Variants in IPO9 observed in about 807,000 individuals in gnomAD.
IPO9 encodes importin 9, also known as importin-9.
IPO9 carries 28 observed loss-of-function variants against 128.6 expected under a neutral mutation model. That is an observed-to-expected ratio of 0.22 (90% CI 0.16 to 0.30). IPO9 has a LOEUF of 0.30. IPO9 is among the 10% of genes least tolerant of loss of function. The pLI is 1.00. For synonymous variants in IPO9, 455 were observed against 475.8 expected (o/e 0.96, Z 0.57); for missense variants, 935 against 1,293.9 (o/e 0.72, Z 4.26).
chr1:201,853,152 C>T, intron 6 of IPO9, 55 bp downstream of exon 6: 2 of 1,378,160 alleles, frequency 1.5e-6, no homozygotes. Flanking sequence ...TTTATTCATG[C>T]AGAGCAGTGA....
chr1:201,863,773 T>C (rs1455814318), intron 14 of IPO9, among the ~76,000 whole-genome samples, 166 bp downstream of exon 14: 1 of 152,206 alleles, frequency 6.6e-6, no homozygotes. Flanking sequence ...AGACATGGCT[T>C]TTGTGAGTCC....
intron 4 of IPO9, among the ~76,000 whole-genome samples, chr1:201,849,290 A>G (rs552956126): frequency 3.3e-5 from 5 of 152,282 alleles, no homozygotes; most frequent in South Asian, 2.1e-4. Flanking sequence ...TAAGCTATCA[A>G]TCCCTCCCAG....
Position 201,859,061 on chromosome 1 carries a change from C to A in IPO9, c.1468+67C>A, listed in dbSNP as rs1386270605. 29 of 1,523,970 alleles carry A rather than the reference C, an allele frequency of 1.9e-5. No individual in the cohort carries two copies. In the South Asian group the frequency reaches 3.5e-4, roughly 19 times the overall value. The allele number at this position is 1,523,970 out of a possible 1,614,324, so 94.4% of individuals were successfully genotyped here. On this transcript the variant is annotated intron_variant, in intron 13 of 23. Transcript: ENST00000361565. Reference sequence around the variant, plus strand: ...CCTGTTGTGGGGTTGGGGGAGGGATCAGCATTAGGAGATATACCTGATGTA... The same window carrying A: ...CCTGTTGTGGGGTTGGGGGAGGGATAAGCATTAGGAGATATACCTGATGTA...
intron 11 of IPO9, among the ~76,000 whole-genome samples, 162 bp downstream of exon 11, chr1:201,857,356 CAG>C (rs1476217610): frequency 2.0e-5 from 3 of 152,084 alleles, no homozygotes; most frequent in Non-Finnish European, 4.4e-5. Flanking sequence ...ATTCGAGACT[CAG>C]AAATTCTAAA....
chr1:201,844,623 G>A (rs1443079158), intron 1 of IPO9, among the ~76,000 whole-genome samples: 1 of 152,234 alleles, frequency 6.6e-6, no homozygotes, highest in Non-Finnish European at 1.5e-5. Context: ...ATGGATGAAT[G>A]ATATCCATGA....
chr1:201,836,077 A>C (rs369670348), intron 1 of IPO9, among the ~76,000 whole-genome samples: 49 of 125,818 alleles, frequency 3.9e-4, no homozygotes, highest in African/African-American at 1.4e-3. Context: ...ACACCACTGC[A>C]CTCCAGCCCT....
intron 14 of IPO9, among the ~76,000 whole-genome samples, chr1:201,865,199 C>CTTTTTTTTTTTTTTTTTT: frequency 7.5e-6 from 1 of 132,852 alleles, no homozygotes; most frequent in Non-Finnish European, 1.6e-5. Context: ...AACTATTTTT[C>CTTTTTTTTTTTTTTTTTT]TTTTTTTTTT....
intron 1 of IPO9, among the ~76,000 whole-genome samples, chr1:201,840,446 C>T (rs2102870510): frequency 6.6e-6 from 1 of 152,288 alleles, no homozygotes; most frequent in South Asian, 2.1e-4. Context: ...GGTAGGAGTA[C>T]AAATTGGTGC....
intron 1 of IPO9, among the ~76,000 whole-genome samples, chr1:201,837,368 G>A (rs911048054): frequency 6.6e-6 from 1 of 152,192 alleles, no homozygotes; most frequent in Non-Finnish European, 1.5e-5. Flanking sequence ...TGGTTGATGA[G>A]AAAGGACCCT....
At chr1:201,858,678 C>A (rs1680379074) in intron 12 of IPO9, 125 bp downstream of exon 12, 2 of 791,022 alleles carry the variant, frequency 2.5e-6, no homozygotes, top group South Asian at 2.5e-5. Context: ...AGATTTTAAT[C>A]TCTTATTATT....
chr1:201,859,180 A>AATAAATAT (rs371428335), intron 13 of IPO9, among the ~76,000 whole-genome samples, 186 bp downstream of exon 13: 4,166 of 83,356 alleles, frequency 0.05, 420 homozygotes, highest in South Asian at 0.061. Flanking sequence ...CTCAAAGTAT[A>AATAAATAT]ATATATATAT....
chr1:201,875,923 C>T (rs746093189), intron 23 of IPO9, 21 bp from the exon 24 acceptor site: 2 of 1,461,562 alleles, frequency 1.4e-6, no homozygotes, highest in South Asian at 1.1e-5. Flanking sequence ...TCACTAATGC[C>T]ACTCTTGCTC....
intron 19 of IPO9, 119 bp from the exon 20 acceptor site, chr1:201,872,709 T>C: frequency 8.7e-7 from 1 of 1,144,650 alleles, no homozygotes; most frequent in East Asian, 2.5e-5. Flanking sequence ...GCTCTCCTAA[T>C]TAGTTGTTAA....
intron 7 of IPO9, 45 bp downstream of exon 7, chr1:201,854,759 G>C: frequency 1.2e-6 from 2 of 1,608,928 alleles, no homozygotes; most frequent in Non-Finnish European, 1.7e-6. Flanking sequence ...TGAGGGGCTG[G>C]TCTGAAATCA....
chr1:201,863,451 C>T lies in IPO9; in HGVS notation c.1472C>T (p.Ser491Phe), dbSNP rs944691798. The change falls in exon 14 of 24, where the codon TCT becomes TTT. Residue 491 changes from serine to phenylalanine, a missense_variant. By Grantham distance (155) the Ser-to-Phe change is radical. Transcript: ENST00000361565. ...AATTGTTCTGTCTTTCTCCCAGTGTCTCCTTTCCTCTTGGGCCGGGCACTT... is the reference window on the plus strand; with the variant it reads ...AATTGTTCTGTCTTTCTCCCAGTGTTTCCTTTCCTCTTGGGCCGGGCACTT... ...VILADLNLSV[S>F]PFLLGRALWA... The T allele has an allele frequency of 4.5e-6, 7 of 1,569,778 alleles. No individual in the cohort carries two copies. Among genetic ancestry groups the T allele is most frequent in the Non-Finnish European group, 5.2e-6 (6 of 1,145,708 alleles).
chr1:201,859,970 AAGGT>A (rs1204399966), intron 13 of IPO9, among the ~76,000 whole-genome samples: 1 of 152,008 alleles, frequency 6.6e-6, no homozygotes, highest in Admixed American at 6.6e-5. Flanking sequence ...AAAAAAAAAA[AAGGT>A]AGCCCTTTAC....
intron 1 of IPO9, among the ~76,000 whole-genome samples, chr1:201,845,683 T>C (rs1680113754): frequency 6.6e-6 from 1 of 152,218 alleles, no homozygotes. Flanking sequence ...TATTGCAACA[T>C]TTGATCAATA....
chr1:201,847,663 A>G (rs1042919511), intron 3 of IPO9, 25 bp downstream of exon 3: 6 of 1,506,194 alleles, frequency 4.0e-6, no homozygotes, highest in Non-Finnish European at 5.5e-6. Context: ...TGATTAGTCT[A>G]CCTGAGGAGA....
chr1:201,859,241 T>C (rs185516197), intron 13 of IPO9, among the ~76,000 whole-genome samples: 1 of 144,188 alleles, frequency 6.9e-6, no homozygotes. Context: ...TTAACTTGGT[T>C]ATATTGTTCA....
Sources: gnomAD v4.1 joint callset for allele counts (sites outside exome capture counted in the v4.1 genomes callset) on GRCh38, gnomAD v4.1.1 for gene constraint, MANE v1.5 for transcripts, NCBI Gene and HGNC (gene_info 2026-07-23, HGNC 2026-07-21) for gene names.